The following TENM4 variants were observed in gnomAD, a reference collection of about 807,000 sequenced individuals.
TENM4 encodes the protein teneurin-4.
A neutral mutation model predicts 243.3 loss-of-function variants in TENM4; 82 were observed. That is an observed-to-expected ratio of 0.34 (90% CI 0.28 to 0.40). The LOEUF is 0.40. TENM4 is among the 10% of genes least tolerant of loss of function. The pLI is 1.00. For missense variants in TENM4, 3,138 were observed against 3,673.3 expected (o/e 0.85, Z 3.77); for synonymous variants, 1,412 against 1,456.3 (o/e 0.97, Z 0.69).
chr11:78,688,496 A>C (rs554028670), intron 28 of TENM4, among the ~76,000 whole-genome samples: 50 of 152,088 alleles, frequency 3.3e-4, no homozygotes, highest in Non-Finnish European at 6.8e-4. Flanking sequence ...TGACCTGCCT[A>C]CTGCCCAGGA....
intron 3 of TENM4, among the ~76,000 whole-genome samples, chr11:79,170,447 C>T (rs1221609284): frequency 6.6e-6 from 1 of 152,134 alleles, no homozygotes; most frequent in Non-Finnish European, 1.5e-5. Flanking sequence ...AGAATGTGAC[C>T]TTATTTGGAA....
At chr11:78,894,672 T>G (rs899955312) in intron 7 of TENM4, among the ~76,000 whole-genome samples, 33 of 152,178 alleles carry the variant, frequency 2.2e-4, no homozygotes, top group African/African-American at 7.5e-4. Context: ...TCTCTGGAAT[T>G]TGGAGAGACA....
At chr11:79,129,302 G>A (rs1861948835) in intron 4 of TENM4, among the ~76,000 whole-genome samples, 1 of 152,160 alleles carries the variant, frequency 6.6e-6, no homozygotes, top group Admixed American at 6.5e-5. Context: ...GGGTGGGTTG[G>A]GGGAACTCCA....
At chr11:79,012,971 C>A (rs1315818377) in intron 6 of TENM4, among the ~76,000 whole-genome samples, 1 of 152,174 alleles carries the variant, frequency 6.6e-6, no homozygotes, top group Non-Finnish European at 1.5e-5. Context: ...AGAGAGGAGT[C>A]CAGGTTTTTC....
At chr11:79,423,657 C>T (rs1858987195) in intron 1 of TENM4, among the ~76,000 whole-genome samples, 2 of 149,976 alleles carry the variant, frequency 1.3e-5, no homozygotes, top group South Asian at 4.2e-4. Flanking sequence ...CGAGTCTATG[C>T]ACTCCTGGAG....
At chr11:79,061,087 A>T (rs561743455) in intron 6 of TENM4, among the ~76,000 whole-genome samples, 1 of 152,198 alleles carries the variant, frequency 6.6e-6, no homozygotes, top group Non-Finnish European at 1.5e-5. Flanking sequence ...CTCCAGCTCA[A>T]CTAGATATGT....
At chr11:78,862,934 C>G in intron 10 of TENM4, 28 bp downstream of exon 10, 2 of 1,394,320 alleles carry the variant, frequency 1.4e-6, no homozygotes, top group Non-Finnish European at 1.9e-6. Context: ...ACAGAGGACT[C>G]ACAACACGGA....
rs143087929 is a variant in TENM4 at position 79,038,275 on chromosome 11, G to T, written c.493+26463C>A. On this transcript the variant is annotated intron_variant, in intron 6 of 33. Coordinates refer to ENST00000278550, the MANE Select transcript of TENM4 (RefSeq NM_001098816.3). The stretch of plus-strand genomic sequence containing the variant: ...CCTCTTATTCAGCTCCAGGTGTCTG[G>T]TAATCATGTCTACTTAGATGCCTCC... Among the ~76,000 whole-genome samples the T allele has an allele frequency of 3.8e-3, 580 of 152,270 alleles. 15 individuals carry two copies. Among genetic ancestry groups the T allele is most frequent in the Admixed American group, 0.029 (436 of 15,298 alleles).
At chr11:78,662,074 TC>T in intron 32 of TENM4, among the ~76,000 whole-genome samples, 1 of 152,292 alleles carries the variant, frequency 6.6e-6, no homozygotes, top group Admixed American at 6.5e-5. Flanking sequence ...AGCTTCAGGG[TC>T]AAAGTCCCAC....
chr11:79,232,786 A>C (rs1050697375), intron 2 of TENM4, among the ~76,000 whole-genome samples: 1 of 152,238 alleles, frequency 6.6e-6, no homozygotes, highest in Non-Finnish European at 1.5e-5. Context: ...TCAGCCAGAA[A>C]AGGAGGTGAA....
chr11:78,797,235 T>G (rs1323628548), intron 15 of TENM4, among the ~76,000 whole-genome samples: 2 of 152,160 alleles, frequency 1.3e-5, no homozygotes, highest in Admixed American at 6.5e-5. Context: ...TTCCTGGGAG[T>G]AACACCATCT....
rs890586645 is a variant in TENM4 at position 78,668,929 on chromosome 11, G to A, written c.7408+8C>T. The A allele has an allele frequency of 1.9e-6, 3 of 1,609,498 alleles. No individual in the cohort carries two copies. Among genetic ancestry groups the A allele is most frequent in the Non-Finnish European group, 2.5e-6 (3 of 1,176,568 alleles). On this transcript the variant is annotated splice_region_variant and intron_variant, in intron 32 of 33. Coordinates refer to ENST00000278550, the MANE Select transcript of TENM4 (RefSeq NM_001098816.3). ...GGGTCCTGCCCCTGAGTGAGCCGTG[G>A]TCCTTACCTGTCATGAAGCACTTGA...
At chr11:78,741,845 C>T (rs1381525051) in intron 19 of TENM4, among the ~76,000 whole-genome samples, 7 of 152,180 alleles carry the variant, frequency 4.6e-5, no homozygotes, top group Non-Finnish European at 7.3e-5. Context: ...AAACCATTAA[C>T]GTGGGAGCAA....
At chr11:79,100,260 C>A (rs1861194111) in intron 4 of TENM4, among the ~76,000 whole-genome samples, 1 of 152,088 alleles carries the variant, frequency 6.6e-6, no homozygotes, top group South Asian at 2.1e-4. Flanking sequence ...ACCCTTAGGT[C>A]CCCGCCCCCT....
intron 1 of TENM4, among the ~76,000 whole-genome samples, chr11:79,345,016 G>T (rs542947918): frequency 3.9e-5 from 6 of 152,050 alleles, no homozygotes; most frequent in African/African-American, 1.4e-4. Flanking sequence ...ACTCATATTT[G>T]CTTGAGAATT....
At chr11:78,736,473 T>TGTGTGTGTGTGC (rs1565356251) in intron 20 of TENM4, among the ~76,000 whole-genome samples, 2 of 143,110 alleles carry the variant, frequency 1.4e-5, no homozygotes, top group Non-Finnish European at 3.0e-5. Context: ...TGTGTGTGTG[T>TGTGTGTGTGTGC]GTGTGTGCGC....
chr11:79,404,580 C>T (rs952414479), intron 1 of TENM4, among the ~76,000 whole-genome samples: 1 of 152,156 alleles, frequency 6.6e-6, no homozygotes, highest in African/African-American at 2.4e-5. Flanking sequence ...AAATTGTACA[C>T]TTTAGAATGA....
At chr11:78,770,638 TTA>T (rs1365178008) in intron 18 of TENM4, among the ~76,000 whole-genome samples, 2 of 152,244 alleles carry the variant, frequency 1.3e-5, no homozygotes, top group African/African-American at 4.8e-5. Flanking sequence ...TGATAAAGAA[TTA>T]GATGGTCTCT....
chr11:79,381,519 C>T (rs1858002682), intron 1 of TENM4, among the ~76,000 whole-genome samples: 1 of 150,926 alleles, frequency 6.6e-6, no homozygotes, highest in African/African-American at 2.4e-5. Context: ...TTCATTCAAC[C>T]CGTTGACCGA....
Sources: allele counts gnomAD v4.1 joint callset (sites outside exome capture counted in the v4.1 genomes callset), GRCh38; gene constraint gnomAD v4.1.1; transcripts MANE v1.5; gene names NCBI Gene and HGNC (gene_info 2026-07-23, HGNC 2026-07-21).